STARD3NL: variants seen among roughly 807,000 people sequenced by gnomAD.
STARD3NL encodes STARD3 N-terminal like.
STARD3NL carries 17 observed loss-of-function variants against 30.9 expected under a neutral mutation model. The observed-to-expected ratio is 0.55, with a 90% CI of 0.38 to 0.82. The LOEUF (loss-of-function observed/expected upper bound fraction) is 0.82, where lower values mean the gene tolerates loss of function less well. Among genes scored for constraint, STARD3NL ranks in the 40% least tolerant of loss-of-function variants. STARD3NL has a pLI of 0.00. For missense variants in STARD3NL, 234 were observed against 277.6 expected (o/e 0.84, Z 1.12); for synonymous variants, 112 against 100.5 (o/e 1.11, Z -0.69).
At chr7:38,212,802 G>C (rs575265856) in intron 2 of STARD3NL, among the ~76,000 whole-genome samples, 1 of 152,160 alleles carries the variant, frequency 6.6e-6, no homozygotes, top group Admixed American at 6.5e-5. Context: ...AGTATGCAAA[G>C]ATGACTCTAA....
chr7:38,214,385 A>G lies in STARD3NL; in HGVS notation c.254A>G (p.Glu85Gly), dbSNP rs1191739969. ...AATGGAGGCATTGAGAACACATTAG[A>G]GAAGGAGGTGATGCAGTATGACTAC... ...NVNGGIENTLEKEVMQYDYYS... is the reference protein window; with the variant it reads ...NVNGGIENTLGKEVMQYDYYS... Residue 85 changes from glutamate to glycine, a missense_variant, in exon 3 of 9, where the codon GAG becomes GGG. Glu to Gly is a moderately conservative substitution (Grantham distance 98, BLOSUM62 -2). Coordinates refer to ENST00000009041, the MANE Select transcript of STARD3NL (RefSeq NM_032016.4). 1 of 1,608,528 alleles carries G rather than the reference A, an allele frequency of 6.2e-7. No homozygotes were observed. The highest frequency in any genetic ancestry group is 1.1e-5 in the South Asian group (1 of 90,756).
chr7:38,188,095 G>C (rs566282073), intron 1 of STARD3NL, among the ~76,000 whole-genome samples: 2 of 152,290 alleles, frequency 1.3e-5, no homozygotes, highest in South Asian at 4.1e-4. Context: ...TCTTTCAGCA[G>C]AGCCTCTTAA....
chr7:38,225,804 A>G (rs944952056), intron 7 of STARD3NL, among the ~76,000 whole-genome samples: 3 of 151,874 alleles, frequency 2.0e-5, no homozygotes, highest in Non-Finnish European at 4.4e-5. Flanking sequence ...ATGAATTTTG[A>G]TATGTTGTGT....
intron 1 of STARD3NL, among the ~76,000 whole-genome samples, chr7:38,180,007 T>A (rs1007967473): frequency 6.6e-6 from 1 of 152,196 alleles, no homozygotes; most frequent in Non-Finnish European, 1.5e-5. Context: ...GAGGAGACAG[T>A]GGTCAGAGGT....
intron 7 of STARD3NL, among the ~76,000 whole-genome samples, chr7:38,220,929 C>T (rs12701610): frequency 2.0e-5 from 3 of 147,516 alleles, no homozygotes; most frequent in African/African-American, 5.1e-5. Flanking sequence ...CATAGGGAGA[C>T]CTTGTCTCTA....
chr7:38,194,534 A>G (rs1784824268), intron 1 of STARD3NL, among the ~76,000 whole-genome samples: 1 of 152,090 alleles, frequency 6.6e-6, no homozygotes, highest in Admixed American at 6.5e-5. Context: ...TCTTTATTTT[A>G]AAAGTAGTAA....
At chr7:38,184,291 C>T (rs1438318763) in intron 1 of STARD3NL, among the ~76,000 whole-genome samples, 2 of 152,076 alleles carry the variant, frequency 1.3e-5, no homozygotes, top group Non-Finnish European at 2.9e-5. Context: ...GGGGCAAAGG[C>T]AGGATGGCGA....
chr7:38,220,065 C>T (rs1467922534), intron 7 of STARD3NL, among the ~76,000 whole-genome samples: 1 of 152,172 alleles, frequency 6.6e-6, no homozygotes, highest in Admixed American at 6.5e-5. Flanking sequence ...GTTCTTATGG[C>T]TCACATCTCA....
chr7:38,181,538 C>T (rs1431207252), intron 1 of STARD3NL, among the ~76,000 whole-genome samples: 1 of 152,132 alleles, frequency 6.6e-6, no homozygotes, highest in African/African-American at 2.4e-5. Flanking sequence ...TAATAACAGA[C>T]TAATAAATAG....
intron 1 of STARD3NL, chr7:38,198,384 G>T (rs1381083338): frequency 6.6e-6 from 1 of 152,124 alleles, no homozygotes; most frequent in Admixed American, 6.5e-5. Flanking sequence ...ATGCAGACCT[G>T]GTGATTCTAT....
chr7:38,188,154 T>C (rs1476024786), intron 1 of STARD3NL, among the ~76,000 whole-genome samples: 1 of 152,204 alleles, frequency 6.6e-6, no homozygotes, highest in East Asian at 1.9e-4. Context: ...TTCCGGTGTC[T>C]TCCCATCTCA....
intron 7 of STARD3NL, among the ~76,000 whole-genome samples, chr7:38,224,820 C>T (rs1216470498): frequency 6.6e-6 from 1 of 152,026 alleles, no homozygotes; most frequent in Admixed American, 6.5e-5. Flanking sequence ...CAGTTCTCAA[C>T]TTAATAAGAA....
chr7:38,222,606 G>A (rs866240044), intron 7 of STARD3NL, among the ~76,000 whole-genome samples: 12 of 152,132 alleles, frequency 7.9e-5, no homozygotes, highest in Admixed American at 2.6e-4. Context: ...CGAGGAACAC[G>A]GTCTCAAGCA....
intron 6 of STARD3NL, among the ~76,000 whole-genome samples, chr7:38,218,045 G>T (rs1786226025): frequency 6.6e-6 from 1 of 152,106 alleles, no homozygotes; most frequent in South Asian, 2.1e-4. Flanking sequence ...TAAGCTTTAT[G>T]GTAAATTACC....
chr7:38,209,110 G>C (rs527718593), intron 2 of STARD3NL, among the ~76,000 whole-genome samples: 1 of 152,200 alleles, frequency 6.6e-6, no homozygotes, highest in African/African-American at 2.4e-5. Flanking sequence ...GGATTGTTAA[G>C]TTTTGTTTAT....
At chr7:38,182,395 T>G (rs1583766040) in intron 1 of STARD3NL, among the ~76,000 whole-genome samples, 1 of 152,338 alleles carries the variant, frequency 6.6e-6, no homozygotes, top group East Asian at 1.9e-4. Context: ...TTTATGGTAT[T>G]GGAAAATACT....
rs370130385 is a variant in STARD3NL at position 38,230,028 on chromosome 7, G to A, written c.*123G>A. 2.0e-5 allele frequency: 3 copies of A among 152,722 alleles called. No individual in the cohort carries two copies. Among genetic ancestry groups the A allele is most frequent in the African/African-American group, 7.2e-5 (3 of 41,558 alleles). 9.5% of individuals were successfully genotyped at this position (152,722 alleles called of 1,614,324 possible). ...GGTGACGTCCACTGCTGGCTTTATTGAACAGCTAATAAAGATTTATTTATT... is the reference window on the plus strand; with the variant it reads ...GGTGACGTCCACTGCTGGCTTTATTAAACAGCTAATAAAGATTTATTTATT... On this transcript the variant is annotated 3_prime_UTR_variant, in exon 9 of 9. Coordinates refer to ENST00000009041, the MANE Select transcript of STARD3NL (RefSeq NM_032016.4).
At chr7:38,226,637 G>A (rs1214776377) in intron 7 of STARD3NL, among the ~76,000 whole-genome samples, 2 of 152,158 alleles carry the variant, frequency 1.3e-5, no homozygotes, top group African/African-American at 2.4e-5. Flanking sequence ...TGGCTGGCTT[G>A]GGCTCTCTTG....
chr7:38,200,158 C>T (rs10256322), intron 1 of STARD3NL, among the ~76,000 whole-genome samples: 12,376 of 152,166 alleles, frequency 0.081, 560 homozygotes, highest in African/African-American at 0.1. Flanking sequence ...AACTCACTGT[C>T]AGGAGGAATT....
Sources: gnomAD v4.1 joint callset for allele counts (sites outside exome capture counted in the v4.1 genomes callset) on GRCh38, gnomAD v4.1.1 for gene constraint, MANE v1.5 for transcripts, NCBI Gene and HGNC (gene_info 2026-07-23, HGNC 2026-07-21) for gene names.